The following SGCZ variants were observed in gnomAD, a reference collection of about 807,000 sequenced individuals.
The protein encoded by SGCZ is zeta-sarcoglycan.
In SGCZ, 40 loss-of-function variants were observed where a neutral mutation model predicts 41.3. That is an observed-to-expected ratio of 0.97 (90% confidence interval 0.75 to 1.26). The LOEUF is 1.26. SGCZ is among the 50% of genes most tolerant of loss of function. The probability of loss-of-function intolerance (pLI) is 0.00; values close to 1 mark genes in which losing one functional copy is unlikely to be tolerated. For synonymous variants in SGCZ, 206 were observed against 137.5 expected (o/e 1.50, Z -3.49); for missense variants, 552 against 369.8 (o/e 1.49, Z -4.04).
intron 2 of SGCZ, among the ~76,000 whole-genome samples, chr8:14,476,801 C>T (rs11995698): frequency 0.054 from 8,202 of 152,212 alleles, 714 homozygotes; most frequent in African/African-American, 0.18. Flanking sequence ...TACGGTTTGA[C>T]TTCTGCATAC....
At chr8:14,488,203 T>C (rs145780652) in intron 2 of SGCZ, among the ~76,000 whole-genome samples, 36 of 137,882 alleles carry the variant, frequency 2.6e-4, no homozygotes, top group African/African-American at 9.1e-4. Context: ...GTCTCACTAG[T>C]TTGATGATAT....
intron 1 of SGCZ, among the ~76,000 whole-genome samples, chr8:15,004,310 G>T (rs1434367041): frequency 6.6e-6 from 1 of 152,138 alleles, no homozygotes; most frequent in Non-Finnish European, 1.5e-5. Flanking sequence ...GAATGTGCAT[G>T]CAACACCAGG....
chr8:14,221,326 T>A (rs1806187719), intron 4 of SGCZ, among the ~76,000 whole-genome samples: 1 of 152,212 alleles, frequency 6.6e-6, no homozygotes, highest in African/African-American at 2.4e-5. Flanking sequence ...TACGTATAAA[T>A]TTTAAATGTA....
chr8:14,604,648 A>T (rs1379879044), intron 1 of SGCZ, among the ~76,000 whole-genome samples: 1 of 152,182 alleles, frequency 6.6e-6, no homozygotes, highest in African/African-American at 2.4e-5. Context: ...AGAATGCCAC[A>T]GCTCATAGTA....
intron 4 of SGCZ, among the ~76,000 whole-genome samples, chr8:14,225,673 T>A (rs571300563): frequency 9.7e-4 from 148 of 152,220 alleles, no homozygotes; most frequent in African/African-American, 3.4e-3. Context: ...GCTCATTGTA[T>A]GTATAATGAG....
At chr8:14,839,265 C>A (rs143766725) in intron 1 of SGCZ, among the ~76,000 whole-genome samples, 1 of 151,928 alleles carries the variant, frequency 6.6e-6, no homozygotes. Context: ...AAAATATGAA[C>A]GATCACTCAA....
rs189585523 is a variant in SGCZ at position 14,389,932 on chromosome 8, G to C, written c.235-65728C>G. Among the ~76,000 whole-genome samples, 43 of 152,106 alleles carry C rather than the reference G, an allele frequency of 2.8e-4. No individual in the cohort carries two copies. In the East Asian group the frequency reaches 8.3e-3, roughly 29 times the overall value. On this transcript the variant is annotated intron_variant, in intron 2 of 7. Coordinates refer to ENST00000382080, the MANE Select transcript of SGCZ (RefSeq NM_139167.4). ...GAACTTCTCACAGTATGAAGTAAAT[G>C]ACAAGTTAAAAACGGTGTGAGTATT... is the stretch of plus-strand genomic sequence containing the variant.
chr8:14,940,115 C>T lies in SGCZ; in HGVS notation c.39+297470G>A, dbSNP rs141764820. 1.1e-4 allele frequency among the ~76,000 whole-genome samples: 16 copies of T among 152,236 alleles called. No individual in the cohort carries two copies. In the East Asian group the frequency reaches 3.1e-3, roughly 29 times the overall value. On this transcript the variant is annotated intron_variant, in intron 1 of 7. Transcript: ENST00000382080. ...GAAAACATGTTCCTTTTGAACCCAT[C>T]TATCCTACCTTCTGAAATCAGTGAT...
At chr8:14,395,709 G>A (rs2117230196) in intron 2 of SGCZ, among the ~76,000 whole-genome samples, 1 of 152,258 alleles carries the variant, frequency 6.6e-6, no homozygotes, top group Non-Finnish European at 1.5e-5. Context: ...ACATAACCTA[G>A]GTGGGCTACT....
intron 1 of SGCZ, among the ~76,000 whole-genome samples, chr8:14,820,520 A>T (rs78327615): frequency 2.0e-5 from 3 of 152,066 alleles, no homozygotes; most frequent in Admixed American, 6.5e-5. Context: ...ACAGCTTTCC[A>T]TCCAACAGCT....
At chr8:15,067,935 A>T (rs772681115) in intron 1 of SGCZ, among the ~76,000 whole-genome samples, 12 of 152,298 alleles carry the variant, frequency 7.9e-5, no homozygotes, top group Non-Finnish European at 1.0e-4. Flanking sequence ...CCAAAATAAG[A>T]TGTAAAAGAT....
intron 2 of SGCZ, among the ~76,000 whole-genome samples, chr8:14,396,777 T>A (rs924864788): frequency 6.6e-6 from 1 of 152,062 alleles, no homozygotes; most frequent in Non-Finnish European, 1.5e-5. Flanking sequence ...GAGCTTTCAG[T>A]TGACGCTAGT....
intron 1 of SGCZ, among the ~76,000 whole-genome samples, chr8:14,596,005 G>C (rs1805401401): frequency 6.6e-6 from 1 of 152,286 alleles, no homozygotes; most frequent in East Asian, 1.9e-4. Context: ...GCAGCTGTTG[G>C]TCCTCTAACT....
intron 3 of SGCZ, among the ~76,000 whole-genome samples, chr8:14,294,068 G>A (rs920673346): frequency 1.3e-5 from 2 of 151,546 alleles, no homozygotes; most frequent in South Asian, 2.1e-4. Flanking sequence ...ACATTTTTCT[G>A]TAGCCAATTA....
At chr8:15,196,390 T>G (rs1800732573) in intron 1 of SGCZ, among the ~76,000 whole-genome samples, 1 of 152,192 alleles carries the variant, frequency 6.6e-6, no homozygotes, top group Non-Finnish European at 1.5e-5. Flanking sequence ...AGTGAAAAAG[T>G]GCAGGTATCA....
intron 2 of SGCZ, among the ~76,000 whole-genome samples, chr8:14,482,277 G>T (rs1801555083): frequency 6.6e-6 from 1 of 152,168 alleles, no homozygotes; most frequent in Non-Finnish European, 1.5e-5. Flanking sequence ...TCTCAAGACT[G>T]CGTAAACCTG....
intron 1 of SGCZ, among the ~76,000 whole-genome samples, chr8:15,022,406 C>A (rs1256698555): frequency 2.0e-5 from 3 of 152,056 alleles, no homozygotes; most frequent in Admixed American, 6.6e-5. Flanking sequence ...TGCAGTGGCA[C>A]AATCTCGGCT....
intron 1 of SGCZ, among the ~76,000 whole-genome samples, chr8:15,101,431 A>T (rs1217630955): frequency 6.6e-6 from 1 of 152,180 alleles, no homozygotes; most frequent in Non-Finnish European, 1.5e-5. Flanking sequence ...ATAGGCAAAA[A>T]ACATGAAAAG....
chr8:14,290,839 A>T (rs1304449064), intron 3 of SGCZ, among the ~76,000 whole-genome samples: 1 of 152,120 alleles, frequency 6.6e-6, no homozygotes, highest in Non-Finnish European at 1.5e-5. Context: ...CCACTACTGC[A>T]TATATTTTCA....
Sources: gnomAD v4.1 joint callset for allele counts (sites outside exome capture counted in the v4.1 genomes callset) on GRCh38, gnomAD v4.1.1 for gene constraint, MANE v1.5 for transcripts, NCBI Gene and HGNC (gene_info 2026-07-23, HGNC 2026-07-21) for gene names.